ITIH2: variants seen among roughly 807,000 people sequenced by gnomAD.
ITIH2 encodes inter-alpha-trypsin inhibitor heavy chain H2.
Under a neutral mutation model 104.4 loss-of-function variants are expected in ITIH2, and 103 were observed. The observed-to-expected ratio is 0.99, with a 90% CI of 0.84 to 1.16. The LOEUF (loss-of-function observed/expected upper bound fraction) is 1.16. ITIH2 is among the 50% of genes most tolerant of loss of function. ITIH2 has a pLI of 0.00. For missense variants in ITIH2, 1,108 were observed against 1,162.4 expected (o/e 0.95, Z 0.68); for synonymous variants, 436 against 435.4 (o/e 1.00, Z -0.02).
rs78795558 is a variant in ITIH2 at position 7,725,419 on chromosome 10, G to C, written c.985-1531G>C. On this transcript the variant is annotated intron_variant, in intron 9 of 20. Coordinates refer to ENST00000358415, the MANE Select transcript of ITIH2 (RefSeq NM_002216.3). ...CAGAGAGAGATGCCAGTAGAGAGGG[G>C]CAGTGGGAGATGAGATCTGAGAAGT... is the stretch of plus-strand genomic sequence containing the variant. Among the ~76,000 whole-genome samples, 9 of 152,346 alleles carry C rather than the reference G, an allele frequency of 5.9e-5. No individual in the cohort carries two copies. In the East Asian group the frequency reaches 1.5e-3, roughly 26 times the overall value.
At chr10:7,710,435 T>C (rs544122487) in intron 4 of ITIH2, among the ~76,000 whole-genome samples, 19 of 152,348 alleles carry the variant, frequency 1.2e-4, no homozygotes, top group Admixed American at 5.2e-4. Context: ...TGTCCAAATA[T>C]CAAGGTGGCC....
intron 4 of ITIH2, among the ~76,000 whole-genome samples, chr10:7,710,890 C>T (rs1353528953): frequency 6.6e-6 from 1 of 151,768 alleles, no homozygotes; most frequent in Non-Finnish European, 1.5e-5. Context: ...TCAGAATTTA[C>T]TCAAAAGATC....
chr10:7,706,469 T>G (rs545857193), intron 2 of ITIH2, among the ~76,000 whole-genome samples: 16 of 152,192 alleles, frequency 1.1e-4, no homozygotes, highest in Non-Finnish European at 1.9e-4. Context: ...AGCATGGTGG[T>G]TAAAAGCATA....
At chr10:7,703,554 G>A (rs201618342) in intron 1 of ITIH2, 36 bp downstream of exon 1, 1 of 1,277,282 alleles carries the variant, frequency 7.8e-7, no homozygotes, top group East Asian at 2.3e-5. Flanking sequence ...CTGTTGGCTT[G>A]TTCATGAGCT....
intron 15 of ITIH2, among the ~76,000 whole-genome samples, chr10:7,738,359 C>T (rs535711364): frequency 6.9e-6 from 1 of 145,154 alleles, no homozygotes; most frequent in African/African-American, 2.6e-5. Flanking sequence ...ACTGGAGTCA[C>T]GGGGCCCTTC....
chr10:7,713,023 AGCAGGAGAATT>A (rs1834811888), intron 4 of ITIH2, among the ~76,000 whole-genome samples, 147 bp from the exon 5 acceptor site: 1 of 152,134 alleles, frequency 6.6e-6, no homozygotes, highest in African/African-American at 2.4e-5. Context: ...AGGGGGCTGA[AGCAGGAGAATT>A]GCTTGAACCC....
intron 9 of ITIH2, among the ~76,000 whole-genome samples, chr10:7,725,597 C>T (rs56718372): frequency 0.11 from 16,110 of 152,166 alleles, 920 homozygotes; most frequent in Admixed American, 0.18. Flanking sequence ...AGGACTTAGC[C>T]TGAGTGACTA....
chr10:7,732,690 T>A (rs1180105663), intron 14 of ITIH2, among the ~76,000 whole-genome samples: 1 of 152,010 alleles, frequency 6.6e-6, no homozygotes. Context: ...CAGTAAAGTA[T>A]GCAAAATGCA....
At chr10:7,722,714 G>C (rs1834915640) in intron 8 of ITIH2, among the ~76,000 whole-genome samples, 1 of 152,144 alleles carries the variant, frequency 6.6e-6, no homozygotes, top group Non-Finnish European at 1.5e-5. Flanking sequence ...TCATCCTTAG[G>C]TCCCAGTGGA....
rs571424500 is a variant in ITIH2, at chr10:7,715,392, G to A, written c.467+2107G>A. Among the ~76,000 whole-genome samples the A allele has an allele frequency of 2.0e-5, 3 of 152,034 alleles. No individual in the cohort carries two copies. In the East Asian group the frequency reaches 5.8e-4, roughly 29 times the overall value. On this transcript the variant is annotated intron_variant, in intron 5 of 20. Coordinates refer to ENST00000358415, the MANE Select transcript of ITIH2 (RefSeq NM_002216.3). The stretch of plus-strand genomic sequence containing the variant: ...GTCGACATTGTGCCACTGCATTCCA[G>A]CCTGGTGACAGAGCAAGATTCCTTC...
In ITIH2 at chr10:7,717,784, T is replaced by TA. The variant is rs755789080; in HGVS notation, c.627dup (p.Glu210ArgfsTer22). The stretch of plus-strand genomic sequence containing the variant: ...CAACCTGGACGGCTGGCCAAACACT[T>TA]AGAGGTAAGCCTGGATCTGTAGGGT... On this transcript the variant is annotated frameshift_variant, in exon 6 of 21. Transcript: ENST00000358415. LOFTEE classifies it high-confidence loss of function. The TA allele has an allele frequency of 9.3e-6, 15 of 1,608,864 alleles. No homozygotes were observed. Among genetic ancestry groups the TA allele is most frequent in the Admixed American group, 3.3e-5 (2 of 59,944 alleles).
intron 9 of ITIH2, 26 bp from the exon 10 acceptor site, chr10:7,726,923 AC>A (rs1834955579): frequency 6.5e-7 from 1 of 1,541,368 alleles, no homozygotes; most frequent in Middle Eastern, 1.8e-4. Flanking sequence ...CTGTAATGGG[AC>A]CTGTCTTTAT....
intron 9 of ITIH2, among the ~76,000 whole-genome samples, chr10:7,725,023 A>C (rs1237398633): frequency 6.6e-6 from 1 of 151,710 alleles, no homozygotes; most frequent in Non-Finnish European, 1.5e-5. Flanking sequence ...CAAAGCATAA[A>C]AACAGAAACC....
chr10:7,735,162 G>A (rs754024443), intron 15 of ITIH2, 71 bp downstream of exon 15: 22 of 1,398,174 alleles, frequency 1.6e-5, no homozygotes, highest in Non-Finnish European at 2.1e-5. Context: ...AAGTCCTAGT[G>A]CCTCCGCTCT....
At position 7,727,700 on chromosome 10, in the gene ITIH2, C is replaced by T; in HGVS notation, c.1154-3C>T. 6.2e-7 allele frequency: 1 copy of T among 1,613,828 alleles called. No individual in the cohort carries two copies. The highest frequency in any genetic ancestry group is 8.5e-7 in the Non-Finnish European group (1 of 1,179,850). ...CCAACGTTTCATTATGCTACTTCAA[C>T]AGGCACAAACATCAACGAAGCACTC... On this transcript the variant is annotated splice_region_variant and splice_polypyrimidine_tract_variant and intron_variant, in intron 10 of 20. Coordinates refer to ENST00000358415, the MANE Select transcript of ITIH2 (RefSeq NM_002216.3).
chr10:7,739,739 A>T, intron 16 of ITIH2, among the ~76,000 whole-genome samples: 1 of 152,148 alleles, frequency 6.6e-6, no homozygotes, highest in Non-Finnish European at 1.5e-5. Flanking sequence ...CCTTTTCAAA[A>T]AATTAGCCAG....
chr10:7,748,279 A>G (rs1835199481), intron 20 of ITIH2, among the ~76,000 whole-genome samples: 1 of 147,906 alleles, frequency 6.8e-6, no homozygotes, highest in African/African-American at 2.5e-5. Context: ...AATGACAAAA[A>G]GTAAATGCTG....
intron 13 of ITIH2, 91 bp from the exon 14 acceptor site, chr10:7,732,247 C>A: frequency 2.2e-6 from 3 of 1,382,778 alleles, no homozygotes; most frequent in Non-Finnish European, 3.0e-6. Context: ...CTTTTTTATT[C>A]CCATTCATTC....
intron 1 of ITIH2, among the ~76,000 whole-genome samples, chr10:7,704,317 T>G: frequency 6.6e-6 from 1 of 152,374 alleles, no homozygotes; most frequent in African/African-American, 2.4e-5. Context: ...CTCTGTCTGC[T>G]TTGAAACTAT....
Sources: allele counts gnomAD v4.1 joint callset (sites outside exome capture counted in the v4.1 genomes callset), GRCh38; gene constraint gnomAD v4.1.1; transcripts MANE v1.5; gene names NCBI Gene and HGNC (gene_info 2026-07-23, HGNC 2026-07-21).